The following EEF1AKMT1 variants were observed in gnomAD, a reference collection of about 807,000 sequenced individuals.
EEF1AKMT1 encodes the protein N-6 adenine-specific DNA methyltransferase 2 (putative).
In EEF1AKMT1, 18 loss-of-function variants were observed where a neutral mutation model predicts 21.0. The ratio of observed to expected loss-of-function variants is 0.86; its 90% CI spans 0.59 to 1.27. EEF1AKMT1 has a LOEUF of 1.27. Among genes scored for constraint, EEF1AKMT1 ranks in the 50% most tolerant of loss-of-function variants. EEF1AKMT1 has a pLI of 0.00. For missense variants in EEF1AKMT1, 246 were observed against 258.6 expected, an observed-to-expected ratio of 0.95 and a Z score of 0.33; for synonymous variants, 109 against 94.8, an observed-to-expected ratio of 1.15 and a Z score of -0.87.
intron 1 of EEF1AKMT1, among the ~76,000 whole-genome samples, chr13:20,759,299 G>A (rs1366210650): frequency 6.6e-6 from 1 of 152,186 alleles, no homozygotes; most frequent in Non-Finnish European, 1.5e-5. Flanking sequence ...ACTTAAATCG[G>A]CCGGGCGCCG....
At chr13:20,772,639 A>T (rs2059068320) in intron 1 of EEF1AKMT1, among the ~76,000 whole-genome samples, 1 of 152,120 alleles carries the variant, frequency 6.6e-6, no homozygotes. Context: ...CTGAGTGGGG[A>T]GAGGAGTGAA....
At chr13:20,756,339 C>T (rs1337267116) in intron 2 of EEF1AKMT1, among the ~76,000 whole-genome samples, 5 of 151,882 alleles carry the variant, frequency 3.3e-5, no homozygotes, top group African/African-American at 9.7e-5. Context: ...TTTCTAATCC[C>T]TATTGTAATT....
chr13:20,748,982 G>A (rs1269745384), intron 2 of EEF1AKMT1, among the ~76,000 whole-genome samples: 2 of 152,088 alleles, frequency 1.3e-5, no homozygotes, highest in Non-Finnish European at 2.9e-5. Flanking sequence ...ACCCCGCTAG[G>A]CCTCTCAAAG....
At chr13:20,743,667 T>A (rs1453430563) in intron 2 of EEF1AKMT1, among the ~76,000 whole-genome samples, 13 of 151,990 alleles carry the variant, frequency 8.6e-5, no homozygotes, top group Non-Finnish European at 1.0e-4. Context: ...TGCTTTTTTT[T>A]TTTTTTTCTC....
At chr13:20,737,594 C>G (rs941867795) in intron 3 of EEF1AKMT1, 129 bp downstream of exon 3, 1 of 755,264 alleles carries the variant, frequency 1.3e-6, no homozygotes, top group African/African-American at 1.8e-5. Context: ...CTTAATCTGT[C>G]ATATGCTGCA....
intron 2 of EEF1AKMT1, among the ~76,000 whole-genome samples, chr13:20,740,781 C>T (rs1213031019): frequency 1.3e-5 from 2 of 152,096 alleles, no homozygotes; most frequent in African/African-American, 2.4e-5. Flanking sequence ...CCAGCCTGGG[C>T]GACAGAGGGA....
In EEF1AKMT1 at chr13:20,731,033, C is replaced by T. The variant is rs118013759; in HGVS notation, c.508+808G>A. On this transcript the variant is annotated intron_variant, in intron 4 of 4. Transcript: ENST00000382758. ...GAAGAAAAAACAATTCCGGAGGTGCCGCCTTTAAGAGCTGTAACACCACGA... is the reference window on the plus strand; with the variant it reads ...GAAGAAAAAACAATTCCGGAGGTGCTGCCTTTAAGAGCTGTAACACCACGA... Among the ~76,000 whole-genome samples the T allele has an allele frequency of 6.2e-4, 95 of 152,294 alleles. No homozygotes were observed. In the East Asian group the frequency reaches 0.017, roughly 27 times the overall value.
chr13:20,758,691 TA>T (rs1308453660), intron 1 of EEF1AKMT1, among the ~76,000 whole-genome samples: 4 of 151,782 alleles, frequency 2.6e-5, no homozygotes, highest in East Asian at 1.9e-4. Context: ...CATATGGAAC[TA>T]AAAAAGAGAA....
At position 20,741,745 on chromosome 13, in the gene EEF1AKMT1, C is replaced by T. The variant is rs146700866; in HGVS notation, c.145-3940G>A. Among the ~76,000 whole-genome samples, 709 of 152,162 alleles carry T rather than the reference C, an allele frequency of 4.7e-3. 4 individuals are homozygous for T. Among genetic ancestry groups the T allele is most frequent in the Non-Finnish European group, 7.6e-3 (515 of 68,022 alleles). On this transcript the variant is annotated intron_variant, in intron 2 of 4. Coordinates refer to ENST00000382758, the MANE Select transcript of EEF1AKMT1 (RefSeq NM_001318939.2). ...CTGGGATTACAGGGGTGAGCCACCG[C>T]GCCCAGCCTGTAATTACTTTTTAAA... is the stretch of plus-strand genomic sequence containing the variant.
intron 1 of EEF1AKMT1, among the ~76,000 whole-genome samples, chr13:20,762,103 G>C (rs1443814395): frequency 6.6e-6 from 1 of 151,662 alleles, no homozygotes; most frequent in Non-Finnish European, 1.5e-5. Flanking sequence ...TTTATTTTTC[G>C]GGGTCTTCCA....
chr13:20,746,413 A>C (rs1489585723), intron 2 of EEF1AKMT1, among the ~76,000 whole-genome samples: 2 of 152,306 alleles, frequency 1.3e-5, no homozygotes, highest in South Asian at 4.1e-4. Context: ...GGCTTCCCAA[A>C]GTGCTGGGAT....
intron 4 of EEF1AKMT1, among the ~76,000 whole-genome samples, chr13:20,730,143 TTTA>T (rs1726896443): frequency 6.6e-6 from 1 of 152,220 alleles, no homozygotes; most frequent in South Asian, 2.1e-4. Flanking sequence ...TTTAGTCTAT[TTTA>T]TTATTATTTT....
rs7332809 is a variant in EEF1AKMT1, at chr13:20,738,717, G to A, written c.145-912C>T. On this transcript the variant is annotated intron_variant, in intron 2 of 4. Coordinates refer to ENST00000382758, the MANE Select transcript of EEF1AKMT1 (RefSeq NM_001318939.2). ...CTTGGAAACATTACACTGAACGAAAGAAATCAGACACCAAAGGCCACATAC... is the reference window on the plus strand; with the variant it reads ...CTTGGAAACATTACACTGAACGAAAAAAATCAGACACCAAAGGCCACATAC... Among the ~76,000 whole-genome samples, 860 of 152,298 alleles carry A rather than the reference G, an allele frequency of 5.6e-3. 8 individuals carry two copies. Among genetic ancestry groups the A allele is most frequent in the African/African-American group, 0.019 (782 of 41,546 alleles).
intron 1 of EEF1AKMT1, among the ~76,000 whole-genome samples, chr13:20,762,174 TC>T (rs1469825266): frequency 8.1e-6 from 1 of 123,092 alleles, no homozygotes; most frequent in Non-Finnish European, 1.6e-5. Context: ...ATTTCATCAG[TC>T]TTTTTTTTTT....
intron 1 of EEF1AKMT1, chr13:20,769,379 T>C (rs916467346): frequency 2.0e-5 from 3 of 152,214 alleles, no homozygotes; most frequent in Non-Finnish European, 4.4e-5. Flanking sequence ...GTGGCAGCCA[T>C]TGTTGCAAGC....
At position 20,733,094 on chromosome 13, in the gene EEF1AKMT1, C is replaced by CTTTTTT. The variant is rs56061412; in HGVS notation, c.228-979_228-974dup. Among the ~76,000 whole-genome samples, 38 of 126,520 alleles carry CTTTTTT rather than the reference C, an allele frequency of 3.0e-4. 2 individuals are homozygous for CTTTTTT. The highest frequency in any genetic ancestry group is 1.1e-3 in the African/African-American group (36 of 33,008). 83.0% of individuals were successfully genotyped at this position (126,520 alleles called of 152,430 possible). On this transcript the variant is annotated intron_variant, in intron 3 of 4. Transcript: ENST00000382758. ...GAATTATTGAGTTGACTGTGATACA[C>CTTTTTT]TTTTTTTTTTTTTTTTTTTGAGACA...
rs900637214 is a variant in EEF1AKMT1, at chr13:20,729,195, G to A, written c.530C>T (p.Ala177Val). The change falls in exon 5 of 5, where the codon GCA (alanine) becomes GTA (valine). Residue 177 changes from alanine to valine, a missense_variant. Coordinates refer to ENST00000382758, the MANE Select transcript of EEF1AKMT1 (RefSeq NM_001318939.2). ...LCTGAIMEEQ[A>V]AELLGVKMCT... ...CATCTTCACTCCAAGGAGTTCTGCT[G>A]CCTGTTCTTCCATGATGGCACCTGA... 2.5e-6 allele frequency: 4 copies of A among 1,614,138 alleles called. No individual in the cohort carries two copies. The highest frequency in any genetic ancestry group is 2.5e-6 in the Non-Finnish European group (3 of 1,180,036).
At chr13:20,741,824 G>A (rs935840519) in intron 2 of EEF1AKMT1, among the ~76,000 whole-genome samples, 2 of 152,152 alleles carry the variant, frequency 1.3e-5, no homozygotes, top group African/African-American at 4.8e-5. Flanking sequence ...CATATGACCA[G>A]TCTACCATCT....
chr13:20,763,555 C>T (rs369599910), intron 1 of EEF1AKMT1, among the ~76,000 whole-genome samples: 2 of 151,978 alleles, frequency 1.3e-5, no homozygotes, highest in African/African-American at 2.4e-5. Context: ...TGGGTTCAAG[C>T]GATTTTCCAG....
Sources: allele counts gnomAD v4.1 joint callset (sites outside exome capture counted in the v4.1 genomes callset), GRCh38; gene constraint gnomAD v4.1.1; transcripts MANE v1.5; gene names NCBI Gene and HGNC (gene_info 2026-07-23, HGNC 2026-07-21).